The following PSD3 variants were observed in gnomAD, a reference collection of about 807,000 sequenced individuals.
The protein encoded by PSD3 is pleckstrin and Sec7 domain containing 3, also known as PH and SEC7 domain-containing protein 3.
A neutral mutation model predicts 105.5 loss-of-function variants in PSD3; 49 were observed. The observed-to-expected ratio is 0.46, with a 90% CI of 0.37 to 0.59. PSD3 has a LOEUF of 0.59. Among genes scored for constraint, PSD3 ranks in the 20% least tolerant of loss-of-function variants. PSD3 has a pLI of 0.00. For missense variants in PSD3, 1,561 were observed against 1,263.8 expected (o/e 1.24, Z -3.57); for synonymous variants, 557 against 457.8 (o/e 1.22, Z -2.77).
chr8:19,034,726 C>A (rs1014174672), intron 1 of PSD3, among the ~76,000 whole-genome samples: 5 of 152,136 alleles, frequency 3.3e-5, no homozygotes, highest in African/African-American at 1.2e-4. Context: ...TTTTTGACTC[C>A]AGACGAGGCC....
At chr8:19,031,166 T>A (rs1464226200) in intron 1 of PSD3, among the ~76,000 whole-genome samples, 1 of 152,136 alleles carries the variant, frequency 6.6e-6, no homozygotes, top group Non-Finnish European at 1.5e-5. Context: ...ATTATCAGTG[T>A]CCAGCAAAAC....
chr8:18,838,262 T>A (rs1029929191), intron 4 of PSD3, among the ~76,000 whole-genome samples: 3 of 152,150 alleles, frequency 2.0e-5, no homozygotes, highest in African/African-American at 7.2e-5. Context: ...CTTTATGTGA[T>A]CAAGAAACAT....
chr8:19,044,037 C>T (rs1828227511), intron 1 of PSD3, among the ~76,000 whole-genome samples: 1 of 152,178 alleles, frequency 6.6e-6, no homozygotes, highest in African/African-American at 2.4e-5. Context: ...TGTGCTCTGC[C>T]TGCCCCTACT....
At chr8:18,998,458 C>T (rs1360300410) in intron 1 of PSD3, among the ~76,000 whole-genome samples, 2 of 151,820 alleles carry the variant, frequency 1.3e-5, no homozygotes, top group South Asian at 2.1e-4. Flanking sequence ...GAGGCCGAGG[C>T]GGGTGGATCA....
At chr8:18,801,168 G>A in intron 7 of PSD3, 102 bp downstream of exon 7, 1 of 650,568 alleles carries the variant, frequency 1.5e-6, no homozygotes, top group East Asian at 2.8e-5. Flanking sequence ...TTATCACTAG[G>A]TAACTGAAGA....
At chr8:19,050,276 G>C (rs1431708781) in intron 1 of PSD3, among the ~76,000 whole-genome samples, 1 of 151,056 alleles carries the variant, frequency 6.6e-6, no homozygotes, top group South Asian at 2.1e-4. Flanking sequence ...CAAAAATGCA[G>C]TGGGCTTCAC....
chr8:18,899,752 C>A (rs532862347), intron 2 of PSD3, among the ~76,000 whole-genome samples: 1 of 152,242 alleles, frequency 6.6e-6, no homozygotes, highest in African/African-American at 2.4e-5. Context: ...ACCAATCCAG[C>A]AGAAGAGTTC....
At chr8:18,717,848 T>C (rs1251295875) in intron 9 of PSD3, among the ~76,000 whole-genome samples, 1 of 152,332 alleles carries the variant, frequency 6.6e-6, no homozygotes, top group East Asian at 1.9e-4. Context: ...TTGCCTGCTC[T>C]AGCTCCCTTA....
chr8:18,996,468 G>A (rs1826084431), intron 1 of PSD3, among the ~76,000 whole-genome samples: 2 of 151,988 alleles, frequency 1.3e-5, no homozygotes, highest in South Asian at 4.2e-4. Context: ...TTTTGATGGA[G>A]ATGGGAAGAT....
chr8:18,913,092 C>T lies in PSD3; in HGVS notation c.130+22942G>A, dbSNP rs111610107. On this transcript the variant is annotated intron_variant, in intron 2 of 15. Coordinates refer to ENST00000327040, the MANE Select transcript of PSD3 (RefSeq NM_015310.4). Reference sequence around the variant, plus strand: ...AAACACACACACACACACAAACACACACACACACACACACACACACACACA... The same window carrying T: ...AAACACACACACACACACAAACACATACACACACACACACACACACACACA... Among the ~76,000 whole-genome samples the T allele has an allele frequency of 5.6e-5, 7 of 125,444 alleles. No homozygotes were observed. The Admixed American group carries it at 5.8e-4, about 10-fold the overall frequency. 82.3% of individuals were successfully genotyped at this position (125,444 alleles called of 152,430 possible).
intron 9 of PSD3, among the ~76,000 whole-genome samples, chr8:18,740,392 T>A (rs1326162162): frequency 1.3e-5 from 2 of 152,120 alleles, no homozygotes; most frequent in Non-Finnish European, 2.9e-5. Context: ...GCAGTGACCT[T>A]CCCTAGCTAC....
intron 9 of PSD3, among the ~76,000 whole-genome samples, chr8:18,693,198 G>A (rs1801067120): frequency 6.6e-6 from 1 of 152,158 alleles, no homozygotes; most frequent in Non-Finnish European, 1.5e-5. Context: ...GGGATTCTAT[G>A]AATCAGACCA....
intron 9 of PSD3, among the ~76,000 whole-genome samples, chr8:18,756,260 C>G (rs1443069837): frequency 6.6e-6 from 1 of 152,094 alleles, no homozygotes; most frequent in Non-Finnish European, 1.5e-5. Context: ...CTATTTTCAA[C>G]TACATACTCC....
At chr8:18,839,883 G>A (rs1014045391) in intron 4 of PSD3, among the ~76,000 whole-genome samples, 1 of 152,108 alleles carries the variant, frequency 6.6e-6, no homozygotes, top group East Asian at 1.9e-4. Flanking sequence ...TGACAAATGT[G>A]GTAGTTACTT....
At chr8:18,817,688 G>A (rs1452875360) in intron 4 of PSD3, among the ~76,000 whole-genome samples, 1 of 152,182 alleles carries the variant, frequency 6.6e-6, no homozygotes, top group Non-Finnish European at 1.5e-5. Context: ...GAAAGTTTCT[G>A]AGTTTTATTG....
intron 2 of PSD3, among the ~76,000 whole-genome samples, chr8:18,895,841 T>C (rs1819115593): frequency 6.6e-6 from 1 of 152,232 alleles, no homozygotes; most frequent in South Asian, 2.1e-4. Flanking sequence ...TTTGAAAATA[T>C]ACAATAAATG....
intron 9 of PSD3, among the ~76,000 whole-genome samples, chr8:18,741,795 TAAAAAAAA>T (rs3042866): frequency 2.5e-5 from 2 of 79,686 alleles, no homozygotes; most frequent in African/African-American, 6.1e-5. Context: ...AATTTTATTG[TAAAAAAAA>T]AAAAAAAAAA....
chr8:18,829,378 A>G (rs372614334), intron 4 of PSD3, among the ~76,000 whole-genome samples: 35 of 152,242 alleles, frequency 2.3e-4, no homozygotes, highest in African/African-American at 7.5e-4. Context: ...TAGTAACCCA[A>G]GAATCTTGAG....
chr8:18,568,190 G>A (rs1024266488), intron 14 of PSD3, among the ~76,000 whole-genome samples: 1 of 152,124 alleles, frequency 6.6e-6, no homozygotes, highest in African/African-American at 2.4e-5. Flanking sequence ...CCAGGCTCTA[G>A]TATTCTTTAT....
Sources: allele counts gnomAD v4.1 joint callset (sites outside exome capture counted in the v4.1 genomes callset), GRCh38; gene constraint gnomAD v4.1.1; transcripts MANE v1.5; gene names NCBI Gene and HGNC (gene_info 2026-07-23, HGNC 2026-07-21).